WWOX: variants seen among roughly 807,000 people sequenced by gnomAD.
WWOX encodes the protein WW domain-containing oxidoreductase.
WWOX carries 69 observed loss-of-function variants against 46.2 expected under a neutral mutation model. The observed-to-expected ratio is 1.49, with a 90% CI of 1.23 to 1.82. WWOX has a LOEUF of 1.82. Ranked by LOEUF, WWOX falls within the 40% of genes most tolerant of loss-of-function variation. WWOX has a pLI of 0.00. For synonymous variants in WWOX, 359 were observed against 202.6 expected (o/e 1.77, Z -6.56); for missense variants, 919 against 542.6 (o/e 1.69, Z -6.89).
chr16:78,450,367 T>C (rs1353830971), intron 8 of WWOX, among the ~76,000 whole-genome samples: 1 of 152,204 alleles, frequency 6.6e-6, no homozygotes, highest in African/African-American at 2.4e-5. Context: ...TTTGTTCAGC[T>C]GGATATCTTA....
chr16:78,245,480 A>G (rs763172847), intron 5 of WWOX, among the ~76,000 whole-genome samples: 3 of 152,268 alleles, frequency 2.0e-5, no homozygotes, highest in Non-Finnish European at 4.4e-5. Flanking sequence ...GAAATCTACC[A>G]TGTAATTGAG....
At chr16:78,769,862 T>C (rs187217474) in intron 8 of WWOX, among the ~76,000 whole-genome samples, 153 of 150,674 alleles carry the variant, frequency 1.0e-3, no homozygotes, top group African/African-American at 3.5e-3. Flanking sequence ...AAAAATAAAA[T>C]AAAAAAATAA....
chr16:78,668,150 C>T (rs938802928), intron 8 of WWOX, among the ~76,000 whole-genome samples: 2 of 152,142 alleles, frequency 1.3e-5, no homozygotes, highest in East Asian at 3.9e-4. Flanking sequence ...TGTGGTGGCA[C>T]ATGCCTGTAA....
intron 8 of WWOX, among the ~76,000 whole-genome samples, chr16:79,009,641 A>C (rs935360867): frequency 6.6e-6 from 1 of 152,108 alleles, no homozygotes; most frequent in Non-Finnish European, 1.5e-5. Context: ...GGTAAAGACA[A>C]GGTTTCCCCA....
At chr16:78,677,351 C>T (rs1005454465) in intron 8 of WWOX, among the ~76,000 whole-genome samples, 6 of 152,196 alleles carry the variant, frequency 3.9e-5, no homozygotes, top group African/African-American at 1.4e-4. Context: ...AGATTACATA[C>T]ATCCTGAAAA....
chr16:78,637,324 C>G (rs998004860), intron 8 of WWOX, among the ~76,000 whole-genome samples: 4 of 152,084 alleles, frequency 2.6e-5, no homozygotes, highest in Admixed American at 6.5e-5. Flanking sequence ...GACCTATAAT[C>G]CCAGCTACTT....
At position 78,980,125 on chromosome 16, in the gene WWOX, C is replaced by G. The variant is rs536269328; in HGVS notation, c.1057-231483C>G. The stretch of plus-strand genomic sequence containing the variant: ...CCTTGGCAACAGAGCGAGACTCCAT[C>G]TCAAATCAATCAACCAGTCAATGTG... On this transcript the variant is annotated intron_variant, in intron 8 of 8. Transcript: ENST00000566780. 7.1e-4 allele frequency among the ~76,000 whole-genome samples: 108 copies of G among 152,314 alleles called. 1 individual carries two copies. Among genetic ancestry groups the G allele is most frequent in the Admixed American group, 1.8e-3 (27 of 15,302 alleles).
intron 8 of WWOX, among the ~76,000 whole-genome samples, chr16:78,601,544 A>G (rs911668735): frequency 2.6e-5 from 4 of 152,190 alleles, no homozygotes; most frequent in South Asian, 2.1e-4. Context: ...TCCAAATTGT[A>G]AGGTCTTTTT....
intron 8 of WWOX, among the ~76,000 whole-genome samples, chr16:78,627,858 C>G (rs898516220): frequency 2.6e-5 from 4 of 152,196 alleles, no homozygotes; most frequent in African/African-American, 9.7e-5. Flanking sequence ...TAGTCAACAT[C>G]AAATGTCTGG....
At chr16:78,359,660 C>G (rs146315401) in intron 5 of WWOX, among the ~76,000 whole-genome samples, 1 of 152,238 alleles carries the variant, frequency 6.6e-6, no homozygotes, top group African/African-American at 2.4e-5. Flanking sequence ...GATACCGTAA[C>G]ATTTAAAAAA....
In WWOX at chr16:79,027,164, C is replaced by G. The variant is rs796238422; in HGVS notation, c.1057-184444C>G. Among the ~76,000 whole-genome samples, 12 of 150,860 alleles carry G rather than the reference C, an allele frequency of 8.0e-5. 2 individuals are homozygous for G. The highest frequency in any genetic ancestry group is 3.0e-4 in the African/African-American group (12 of 40,656). On this transcript the variant is annotated intron_variant, in intron 8 of 8. Transcript: ENST00000566780. ...GCATGGTGGTACATGCCTGTAGTCCCAGCTACTCAGGAGGCTGAAGTGGGA... is the reference window on the plus strand; with the variant it reads ...GCATGGTGGTACATGCCTGTAGTCCGAGCTACTCAGGAGGCTGAAGTGGGA...
chr16:78,233,608 G>A (rs1444067496), intron 5 of WWOX, among the ~76,000 whole-genome samples: 1 of 146,824 alleles, frequency 6.8e-6, no homozygotes, highest in African/African-American at 2.6e-5. Flanking sequence ...CTCATTGCAA[G>A]CTCCGCCTCC....
At chr16:78,935,519 C>T (rs937291966) in intron 8 of WWOX, among the ~76,000 whole-genome samples, 7 of 150,956 alleles carry the variant, frequency 4.6e-5, no homozygotes, top group Non-Finnish European at 1.0e-4. Flanking sequence ...AAAAACCAAA[C>T]ACTGCATGTT....
chr16:78,692,180 G>C (rs1313366913), intron 8 of WWOX, among the ~76,000 whole-genome samples: 1 of 152,190 alleles, frequency 6.6e-6, no homozygotes, highest in East Asian at 1.9e-4. Context: ...TGTTAGGAAG[G>C]GAGTGTGGTT....
chr16:78,789,624 A>G (rs1447125736), intron 8 of WWOX, among the ~76,000 whole-genome samples: 1 of 152,096 alleles, frequency 6.6e-6, no homozygotes, highest in Non-Finnish European at 1.5e-5. Context: ...TGTTTTGGGT[A>G]TTCTGGGTCC....
chr16:78,519,049 T>A (rs949085509), intron 8 of WWOX, among the ~76,000 whole-genome samples: 9 of 152,226 alleles, frequency 5.9e-5, no homozygotes, highest in Non-Finnish European at 8.8e-5. Flanking sequence ...TTTTTCTAAT[T>A]TAATCTTATA....
chr16:78,620,772 C>G (rs561775462), intron 8 of WWOX, among the ~76,000 whole-genome samples: 2 of 152,188 alleles, frequency 1.3e-5, no homozygotes, highest in South Asian at 2.1e-4. Context: ...GCTCTGCTGG[C>G]AAGTGTGTCA....
intron 8 of WWOX, among the ~76,000 whole-genome samples, chr16:79,064,020 A>G (rs2048399579): frequency 6.6e-6 from 1 of 152,194 alleles, no homozygotes; most frequent in South Asian, 2.1e-4. Flanking sequence ...GTTGCCAAAT[A>G]TTTGTATTTT....
In WWOX at chr16:79,095,632, C is replaced by G. The variant is rs529316423; in HGVS notation, c.1057-115976C>G. On this transcript the variant is annotated intron_variant, in intron 8 of 8. Transcript: ENST00000566780. ...CTAGCGGAAGTCGATCTTCTTGGGA[C>G]ATGAGTAGGCTCTAACCTGGCAGGT... Among the ~76,000 whole-genome samples the G allele has an allele frequency of 2.6e-5, 4 of 152,282 alleles. No homozygotes were observed. In the South Asian group the frequency reaches 8.3e-4, roughly 32 times the overall value.
Sources: allele counts gnomAD v4.1 joint callset (sites outside exome capture counted in the v4.1 genomes callset), GRCh38; gene constraint gnomAD v4.1.1; transcripts MANE v1.5; gene names NCBI Gene and HGNC (gene_info 2026-07-23, HGNC 2026-07-21).